Variants in FRMD4A observed in about 807,000 individuals in gnomAD.
The protein encoded by FRMD4A is FERM domain-containing protein 4A.
In FRMD4A, 29 loss-of-function variants were observed where a neutral mutation model predicts 129.1. The ratio of observed to expected loss-of-function variants is 0.22; its 90% CI spans 0.17 to 0.31. The LOEUF is 0.31. Ranked by LOEUF, FRMD4A falls within the 10% of genes least tolerant of loss-of-function variation. FRMD4A has a pLI of 1.00. For synonymous variants in FRMD4A, 634 were observed against 571.6 expected (o/e 1.11, Z -1.56); for missense variants, 1,272 against 1,375.8 (o/e 0.92, Z 1.19).
At chr10:13,885,183 G>A (rs565060067) in intron 2 of FRMD4A, among the ~76,000 whole-genome samples, 5 of 152,270 alleles carry the variant, frequency 3.3e-5, no homozygotes, top group African/African-American at 7.2e-5. Context: ...CCAGGAATTC[G>A]AGACCAGCCT....
At chr10:13,819,827 T>C (rs1372854919) in intron 3 of FRMD4A, among the ~76,000 whole-genome samples, 1 of 151,716 alleles carries the variant, frequency 6.6e-6, no homozygotes, top group South Asian at 2.1e-4. Context: ...GTTCAAGCAA[T>C]TCTCATGCCT....
chr10:14,280,741 T>C (rs78572545), intron 2 of FRMD4A, among the ~76,000 whole-genome samples: 9,866 of 152,224 alleles, frequency 0.065, 406 homozygotes, highest in Non-Finnish European at 0.09. Flanking sequence ...CAGGAAACTC[T>C]TGTGCTTCCT....
intron 2 of FRMD4A, among the ~76,000 whole-genome samples, chr10:14,114,954 G>T (rs1475076542): frequency 6.6e-6 from 1 of 152,194 alleles, no homozygotes; most frequent in East Asian, 1.9e-4. Flanking sequence ...AGGTACTGAA[G>T]TACTGTAGGA....
chr10:13,971,876 G>T, intron 2 of FRMD4A: 1 of 1,291,478 alleles, frequency 7.7e-7, no homozygotes, highest in Non-Finnish European at 1.0e-6. Flanking sequence ...GTGACACAAA[G>T]TGCCAATGTC....
At chr10:14,034,170 G>A (rs1833390046) in intron 2 of FRMD4A, among the ~76,000 whole-genome samples, 1 of 152,162 alleles carries the variant, frequency 6.6e-6, no homozygotes, top group Non-Finnish European at 1.5e-5. Context: ...GGAGGTCATG[G>A]CACTGTGTAC....
intron 2 of FRMD4A, among the ~76,000 whole-genome samples, chr10:13,904,992 C>CAAAAAAAAA (rs397772526): frequency 2.7e-5 from 3 of 109,362 alleles, no homozygotes; most frequent in African/African-American, 7.2e-5. Flanking sequence ...GACTCTATCT[C>CAAAAAAAAA]AAAAAAAAAA....
At chr10:13,987,740 G>A (rs912727217) in intron 2 of FRMD4A, among the ~76,000 whole-genome samples, 8 of 152,098 alleles carry the variant, frequency 5.3e-5, no homozygotes, top group African/African-American at 9.7e-5. Context: ...TCTTTAACTC[G>A]ATGCACAAAG....
intron 2 of FRMD4A, among the ~76,000 whole-genome samples, chr10:14,205,794 G>T (rs1362569270): frequency 7.9e-6 from 1 of 127,018 alleles, no homozygotes; most frequent in Non-Finnish European, 1.6e-5. Context: ...GCGACAGAGC[G>T]AGACTCTGTC....
chr10:14,124,299 T>C (rs931854675), intron 2 of FRMD4A, among the ~76,000 whole-genome samples: 1 of 152,186 alleles, frequency 6.6e-6, no homozygotes. Context: ...CCATGATCAT[T>C]GCCTGAGTTG....
chr10:13,974,620 G>C (rs2095534575), intron 2 of FRMD4A, among the ~76,000 whole-genome samples: 1 of 152,124 alleles, frequency 6.6e-6, no homozygotes, highest in Non-Finnish European at 1.5e-5. Flanking sequence ...TCCGCCTCTT[G>C]GGTTCAAGTG....
At chr10:14,086,889 C>T (rs1312157648) in intron 2 of FRMD4A, among the ~76,000 whole-genome samples, 2 of 152,146 alleles carry the variant, frequency 1.3e-5, no homozygotes, top group Non-Finnish European at 2.9e-5. Flanking sequence ...CTCTGGAGCT[C>T]AGCTTCCTGA....
chr10:14,329,957 T>C (rs1471112966), intron 2 of FRMD4A, 101 bp downstream of exon 2: 3 of 1,103,544 alleles, frequency 2.7e-6, no homozygotes, highest in South Asian at 2.7e-5. Context: ...CGGAGCAATG[T>C]TGAACATGTC....
At chr10:13,714,060 A>ATATATATATATATC (rs1564673664) in intron 12 of FRMD4A, among the ~76,000 whole-genome samples, 3 of 120,126 alleles carry the variant, frequency 2.5e-5, no homozygotes, top group South Asian at 5.0e-4. Context: ...ATATATATAT[A>ATATATATATATATC]AAATATACTT....
At position 13,799,176 on chromosome 10, in the gene FRMD4A, T is replaced by C. The variant is rs532004337; in HGVS notation, c.207-2588A>G. ...CTTTTTAAAATTTATTTTTATTTTT[T>C]AGATGGAGTCTTGCTCTGTTGCCCA... is the stretch of plus-strand genomic sequence containing the variant. On this transcript the variant is annotated intron_variant, in intron 4 of 24. Coordinates refer to ENST00000357447, the MANE Select transcript of FRMD4A (RefSeq NM_018027.5). Among the ~76,000 whole-genome samples the C allele has an allele frequency of 2.0e-5, 3 of 152,290 alleles. No homozygotes were observed. In the East Asian group the frequency reaches 5.8e-4, roughly 29 times the overall value.
At chr10:13,882,802 TTTGG>T (rs1282677080) in intron 2 of FRMD4A, among the ~76,000 whole-genome samples, 2 of 15,126 alleles carry the variant, frequency 1.3e-4, no homozygotes, top group Non-Finnish European at 2.3e-4. Context: ...AGTATAATTT[TTTGG>T]TTTTTTTTTT....
chr10:14,254,265 T>G (rs1000605955), intron 2 of FRMD4A, among the ~76,000 whole-genome samples: 1 of 152,204 alleles, frequency 6.6e-6, no homozygotes, highest in Non-Finnish European at 1.5e-5. Flanking sequence ...TATACACCCT[T>G]AGGTGGGCCT....
intron 17 of FRMD4A, among the ~76,000 whole-genome samples, chr10:13,670,021 T>C (rs1475975331): frequency 6.6e-6 from 1 of 152,114 alleles, no homozygotes; most frequent in Non-Finnish European, 1.5e-5. Context: ...TGGCCTAAGT[T>C]TTCCTTCTCT....
intron 8 of FRMD4A, among the ~76,000 whole-genome samples, chr10:13,755,322 T>C (rs1406069804): frequency 6.6e-6 from 1 of 152,186 alleles, no homozygotes; most frequent in African/African-American, 2.4e-5. Flanking sequence ...GTTCAGTTTA[T>C]ATTAATTCAC....
chr10:14,135,209 T>C (rs1839473551), intron 2 of FRMD4A, among the ~76,000 whole-genome samples: 1 of 152,234 alleles, frequency 6.6e-6, no homozygotes, highest in African/African-American at 2.4e-5. Context: ...CATACTTCTA[T>C]ATTTGAGTCC....
Sources: gnomAD v4.1 joint callset for allele counts (sites outside exome capture counted in the v4.1 genomes callset) on GRCh38, gnomAD v4.1.1 for gene constraint, MANE v1.5 for transcripts, NCBI Gene and HGNC (gene_info 2026-07-23, HGNC 2026-07-21) for gene names.